The following TNK1 variants were observed in gnomAD, a reference collection of about 807,000 sequenced individuals.
TNK1 encodes tyrosine kinase non receptor 1.
In TNK1, 53 loss-of-function variants were observed where a neutral mutation model predicts 65.2. The ratio of observed to expected loss-of-function variants is 0.81; its 90% confidence interval spans 0.65 to 1.02. The LOEUF (loss-of-function observed/expected upper bound fraction) is 1.02, where lower values mean the gene tolerates loss of function less well. Among genes scored for constraint, TNK1 ranks in the 50% least tolerant of loss-of-function variants. The pLI, the probability that TNK1 is intolerant of heterozygous loss-of-function variation, is 0.00. For synonymous variants in TNK1, 353 were observed against 364.6 expected (o/e 0.97, Z 0.36); for missense variants, 837 against 878.4 (o/e 0.95, Z 0.60).
Position 7,388,975 on chromosome 17 carries a change from A to G in TNK1, c.1877A>G (p.Asp626Gly), listed in dbSNP as rs1379147214. Reference protein sequence around the residue: ...VVSAIRNLKVDQLFHLSSRSR... With the variant: ...VVSAIRNLKVGQLFHLSSRSR... ...CCCACCCTCCTGCTTCCACAGGTAG[A>G]TCAGCTCTTCCACCTGAGTAGCCGG... is the stretch of plus-strand genomic sequence containing the variant. The change falls in exon 13 of 13, where the codon GAT (aspartate) becomes GGT (glycine). Residue 626 changes from aspartate (D) to glycine (G), a missense_variant. Coordinates refer to ENST00000688331, the MANE Select transcript of TNK1 (RefSeq NM_003985.6). This position sits in a 1 kb window ranked among gnomAD's most constrained non-coding sequence, Gnocchi z 4.5. 4 of 1,554,010 alleles carry G rather than the reference A, an allele frequency of 2.6e-6. No homozygotes were observed. The African/African-American group carries it at 5.5e-5, about 21-fold the overall frequency.
rs772124135 is a variant in TNK1, at chr17:7,387,420, G to A, written c.1440G>A (p.Arg480=). The A allele has an allele frequency of 6.2e-7, 1 of 1,605,188 alleles. No individual in the cohort carries two copies. Among genetic ancestry groups the A allele is most frequent in the East Asian group, 2.2e-5 (1 of 44,536 alleles). The stretch of plus-strand genomic sequence containing the variant: ...ATCTTTGGGATGCGCCCCCAGCACG[G>A]GGCCAGAGGAGGAACATGCCCCTGG... ...KANLWDAPPA[R]GQRRNMPLER... The change falls in exon 10 of 13, where the codon CGG becomes CGA. Residue 480 remains arginine, a synonymous_variant. Transcript: ENST00000688331.
In TNK1 at chr17:7,383,556, G is replaced by C. The variant is rs761161637; in HGVS notation, c.366G>C (p.Leu122=). 3 of 1,613,328 alleles carry C rather than the reference G, an allele frequency of 1.9e-6. No individual in the cohort carries two copies. The East Asian group carries it at 6.7e-5, about 36-fold the overall frequency. Residue 122 remains leucine, a synonymous_variant, in exon 4 of 13, where the codon CTG becomes CTC. Transcript: ENST00000688331. ...PEGAVCRGEL[L]GSGCFGVVHR... is the part of the protein sequence containing the mutation. ...GTGCTGTTTGCAGAGGGGAGCTGCTGGGTTCAGGCTGCTTCGGTGTGGTGC... is the reference window on the plus strand; with the variant it reads ...GTGCTGTTTGCAGAGGGGAGCTGCTCGGTTCAGGCTGCTTCGGTGTGGTGC...
chr17:7,385,196 C>G (rs1197912443), intron 7 of TNK1, among the ~76,000 whole-genome samples: 3 of 151,998 alleles, frequency 2.0e-5, no homozygotes, highest in Non-Finnish European at 2.9e-5. Flanking sequence ...GAAACCCCGT[C>G]TCTACTAAAA....
chr17:7,386,675 C>T lies in TNK1; in HGVS notation c.1232+20C>T. On this transcript the variant is annotated intron_variant, in intron 8 of 12. Coordinates refer to ENST00000688331, the MANE Select transcript of TNK1 (RefSeq NM_003985.6). ...GGGCAGGTGACAGTCCCATACCTCC[C>T]AAGCACCCTCAGGAGGAGGATACCC... The T allele has an allele frequency of 2.6e-6, 4 of 1,549,832 alleles. No individual in the cohort carries two copies. The highest frequency in any genetic ancestry group is 3.5e-6 in the Non-Finnish European group (4 of 1,140,752).
rs72842806 is a variant in TNK1, at chr17:7,386,671, C to T, written c.1232+16C>T. On this transcript the variant is annotated intron_variant, in intron 8 of 12. Coordinates refer to ENST00000688331, the MANE Select transcript of TNK1 (RefSeq NM_003985.6). Reference sequence around the variant, plus strand: ...TCGAGGGCAGGTGACAGTCCCATACCTCCCAAGCACCCTCAGGAGGAGGAT... The same window carrying T: ...TCGAGGGCAGGTGACAGTCCCATACTTCCCAAGCACCCTCAGGAGGAGGAT... 9.6e-3 allele frequency: 14,993 copies of T among 1,560,492 alleles called. 80 individuals carry two copies. Among genetic ancestry groups the T allele is most frequent in the Non-Finnish European group, 0.011 (13,000 of 1,149,058 alleles).
chr17:7,380,102 C>T (rs1021860039), upstream of TNK1, among the ~76,000 whole-genome samples: 1 of 152,204 alleles, frequency 6.6e-6, no homozygotes, highest in African/African-American at 2.4e-5. Flanking sequence ...GACATCTGGA[C>T]CCCTCCCTTA....
chr17:7,383,968 A>C lies in TNK1; in HGVS notation c.583-2A>C. ...CACGCGGCGCGGTGTTCCCTCCTGC[A>C]GGTGATGGAGCTGGCGCCACTGGGC... On this transcript the variant is annotated splice_acceptor_variant, in intron 5 of 12. Transcript: ENST00000688331. LOFTEE classifies it high-confidence loss of function. 1.3e-6 allele frequency: 2 copies of C among 1,505,324 alleles called. No homozygotes were observed. Among genetic ancestry groups the C allele is most frequent in the Non-Finnish European group, 1.8e-6 (2 of 1,127,822 alleles). 93.2% of individuals were successfully genotyped at this position (1,505,324 alleles called of 1,614,324 possible).
At chr17:7,385,710 GCC>G (rs1567646979) in intron 7 of TNK1, among the ~76,000 whole-genome samples, 31 of 152,010 alleles carry the variant, frequency 2.0e-4, no homozygotes, top group Admixed American at 5.2e-4. Flanking sequence ...GATTACAGGC[GCC>G]TGCCACCACG....
At position 7,388,995 on chromosome 17, in the gene TNK1, A is replaced by C. The variant is rs2143171609; in HGVS notation, c.1897A>C (p.Ser633Arg). 6.4e-7 allele frequency: 1 copy of C among 1,554,432 alleles called. No homozygotes were observed. The highest frequency in any genetic ancestry group is 1.7e-4 in the Middle Eastern group (1 of 5,994). The change falls in exon 13 of 13, where the codon AGC (serine) becomes CGC (arginine). Residue 633 changes from serine (S) to arginine (R), a missense_variant. Transcript: ENST00000688331. The surrounding 1 kb of genome is among the most constrained non-coding windows in gnomAD (Gnocchi z 4.5). ...LKVDQLFHLS[S>R]RSRADCWRIL... Reference sequence around the variant, plus strand: ...GGTAGATCAGCTCTTCCACCTGAGTAGCCGGTCCAGAGCTGACTGCTGGCG... The same window carrying C: ...GGTAGATCAGCTCTTCCACCTGAGTCGCCGGTCCAGAGCTGACTGCTGGCG...
chr17:7,386,634 C>G lies in TNK1; in HGVS notation c.1211C>G (p.Pro404Arg), dbSNP rs1225487992. Residue 404 changes from proline (P) to arginine (R), a missense_variant, in exon 8 of 13, where the codon CCC becomes CGC. Transcript: ENST00000688331. ...PGALRMETGD[P>R]ITVIEGSPDS... ...GCCCTGAGGATGGAGACTGGTGACC[C>G]CATCACAGTCATCGAGGGCAGGTGA... is the stretch of plus-strand genomic sequence containing the variant. The G allele has an allele frequency of 1.9e-6, 3 of 1,596,868 alleles. No homozygotes were observed. In the South Asian group the frequency reaches 3.4e-5, roughly 18 times the overall value.
At position 7,382,489 on chromosome 17, in the gene TNK1, TCATGTTGGAGGAAGGGAGATGTC is replaced by T. The variant is rs1904875068; in HGVS notation, c.-91-346_-91-324del. 1.3e-5 allele frequency among the ~76,000 whole-genome samples: 2 copies of T among 152,152 alleles called. No homozygotes were observed. The highest frequency in any genetic ancestry group is 4.8e-5 in the African/African-American group (2 of 41,526). ...CTCATGTTGGAGGAAGGGAGATGTCTCATGTTGGAGGAAGGGAGATGTCGTCTCAGGTGTGTATGAGTGAGTTT... is the reference window on the plus strand; with the variant it reads ...CTCATGTTGGAGGAAGGGAGATGTCTGTCTCAGGTGTGTATGAGTGAGTTT... On this transcript the variant is annotated intron_variant, in intron 1 of 12. Transcript: ENST00000688331. The surrounding 1 kb of genome is among the most constrained non-coding windows in gnomAD (Gnocchi z 4.1).
In TNK1 at chr17:7,388,266, A is replaced by C; in HGVS notation, c.1478-140A>C. Reference sequence around the variant, plus strand: ...TGTGCCGAAACCCCTTCTCTACAAAAATACAAAAATTAGCCAGTCGTAATG... The same window carrying C: ...TGTGCCGAAACCCCTTCTCTACAAACATACAAAAATTAGCCAGTCGTAATG... On this transcript the variant is annotated intron_variant, in intron 10 of 12. Coordinates refer to ENST00000688331, the MANE Select transcript of TNK1 (RefSeq NM_003985.6). This position sits in a 1 kb window ranked among gnomAD's most constrained non-coding sequence, Gnocchi z 4.5. The C allele has an allele frequency of 1.1e-6, 1 of 891,832 alleles. No individual in the cohort carries two copies. The highest frequency in any genetic ancestry group is 1.7e-6 in the Non-Finnish European group (1 of 600,932). 55.2% of individuals were successfully genotyped at this position (891,832 alleles called of 1,614,324 possible). A position where few individuals can be genotyped will look rare whatever the true frequency, so the allele number is the denominator to read the frequency against.
Position 7,385,377 on chromosome 17 carries a change from AAG to A in TNK1, c.1137+625_1137+626del, listed in dbSNP as rs1491429809. On this transcript the variant is annotated intron_variant, in intron 7 of 12. Transcript: ENST00000688331. ...CGAACTCCGTCTCAAAAAAAAAAAA[AAG>A]AAGAAGAAGAAGAAGTAATGAGGCC... Among the ~76,000 whole-genome samples the A allele has an allele frequency of 2.1e-3, 274 of 130,042 alleles. 1 individual carries two copies. The highest frequency in any genetic ancestry group is 9.9e-3 in the South Asian group (39 of 3,954). The allele number at this position is 130,042 out of a possible 152,430, so 85.3% of individuals were successfully genotyped here.
At position 7,384,540 on chromosome 17, in the gene TNK1, T is replaced by G. The variant is rs1415167004; in HGVS notation, c.923T>G (p.Met308Arg). ...GAFSSASDVW[M>R]FGVTLWEMFS... ...TTCTCGTCTGCCTCGGACGTGTGGATGTTTGGGGTGACGCTGTGGGAGATG... is the reference window on the plus strand; with the variant it reads ...TTCTCGTCTGCCTCGGACGTGTGGAGGTTTGGGGTGACGCTGTGGGAGATG... The change falls in exon 7 of 13, where the codon ATG becomes AGG. Residue 308 changes from methionine (M) to arginine (R), a missense_variant. Coordinates refer to ENST00000688331, the MANE Select transcript of TNK1 (RefSeq NM_003985.6). 1 of 1,606,368 alleles carries G rather than the reference T, an allele frequency of 6.2e-7. No homozygotes were observed. The highest frequency in any genetic ancestry group is 1.1e-5 in the South Asian group (1 of 90,080).
rs1277638426 is a variant in TNK1 at position 7,389,077 on chromosome 17, G to A, written c.1979G>A (p.Arg660Lys). 46 of 1,552,188 alleles carry A rather than the reference G, an allele frequency of 3.0e-5. No homozygotes were observed. Among genetic ancestry groups the A allele is most frequent in the Non-Finnish European group, 3.4e-5 (39 of 1,147,258 alleles). The change falls in exon 13 of 13, where the codon AGG becomes AAG. Residue 660 changes from arginine to lysine, a missense_variant. Transcript: ENST00000688331. ...GCTGCCAGCCGCTATGTCCTGGCCA[G>A]GCCCTGAGCTCAGCTTCTGCGGGCA... ...LSAASRYVLA[R>K]P
Position 7,388,657 on chromosome 17 carries a change from T to G in TNK1, c.1729T>G (p.Ser577Ala), listed in dbSNP as rs776439781. Reference protein sequence around the residue: ...MPGARKAAALSGGLLSDPELQ... With the variant: ...MPGARKAAALAGGLLSDPELQ... ...TGGAGCCCGTAAAGCCGCTGCCCTC[T>G]CTGGAGGCCTCTTGTCCGATCCTGA... is the stretch of plus-strand genomic sequence containing the variant. Residue 577 changes from serine (S) to alanine (A), a missense_variant, in exon 11 of 13, where the codon TCT becomes GCT. Coordinates refer to ENST00000688331, the MANE Select transcript of TNK1 (RefSeq NM_003985.6). The surrounding 1 kb of genome is among the most constrained non-coding windows in gnomAD (Gnocchi z 4.5). 6.2e-7 allele frequency: 1 copy of G among 1,613,906 alleles called. No homozygotes were observed. The highest frequency in any genetic ancestry group is 8.5e-7 in the Non-Finnish European group (1 of 1,179,832).
chr17:7,387,625 A>G (rs1905254540), intron 10 of TNK1, among the ~76,000 whole-genome samples, 168 bp downstream of exon 10: 1 of 139,950 alleles, frequency 7.1e-6, no homozygotes, highest in African/African-American at 2.6e-5. Context: ...TTTTTTTGAG[A>G]CAGAGTTTCA....
Position 7,389,005 on chromosome 17 carries a change from G to A in TNK1, c.1907G>A (p.Arg636Lys). The A allele has an allele frequency of 6.4e-7, 1 of 1,554,816 alleles. No homozygotes were observed. The highest frequency in any genetic ancestry group is 1.2e-5 in the South Asian group (1 of 84,300). Reference protein sequence around the residue: ...DQLFHLSSRSRADCWRILEHY... With the variant: ...DQLFHLSSRSKADCWRILEHY... The stretch of plus-strand genomic sequence containing the variant: ...CTCTTCCACCTGAGTAGCCGGTCCA[G>A]AGCTGACTGCTGGCGCATCCTGGAG... The change falls in exon 13 of 13, where the codon AGA (arginine) becomes AAA (lysine). Residue 636 changes from arginine to lysine, a missense_variant. Arg to Lys is a conservative substitution (Grantham distance 26, BLOSUM62 2). Transcript: ENST00000688331.
chr17:7,384,212 C>T lies in TNK1; in HGVS notation c.825C>T (p.Gly275=), dbSNP rs1567645807. The T allele has an allele frequency of 1.3e-6, 2 of 1,517,946 alleles. No individual in the cohort carries two copies. The allele number at this position is 1,517,946 out of a possible 1,614,324, so 94.0% of individuals were successfully genotyped here. ...TGCGGCCTCTGGGCGGTGCCCGGGGCCGCTACGTCATGGGCGGGCCCCGCC... is the reference window on the plus strand; with the variant it reads ...TGCGGCCTCTGGGCGGTGCCCGGGGTCGCTACGTCATGGGCGGGCCCCGCC... ...GLVRPLGGAR[G]RYVMGGPRPI... Residue 275 remains glycine, a synonymous_variant, in exon 6 of 13, where the codon GGC becomes GGT. Coordinates refer to ENST00000688331, the MANE Select transcript of TNK1 (RefSeq NM_003985.6).
Sources: gnomAD v4.1 joint callset for allele counts (sites outside exome capture counted in the v4.1 genomes callset) on GRCh38, gnomAD v4.1.1 for gene constraint, Gnocchi (gnomAD v3.1) non-coding constraint, MANE v1.5 for transcripts, NCBI Gene and HGNC (gene_info 2026-07-23, HGNC 2026-07-21) for gene names.